The following SLC25A21 variants were observed in gnomAD, a reference collection of about 807,000 sequenced individuals.
The protein encoded by SLC25A21 is mitochondrial 2-oxodicarboxylate carrier.
Under a neutral mutation model 43.8 loss-of-function variants are expected in SLC25A21, and 47 were observed. The ratio of observed to expected loss-of-function variants is 1.07; its 90% CI spans 0.85 to 1.37. SLC25A21 has a LOEUF of 1.37. Ranked by LOEUF, SLC25A21 falls within the 40% of genes most tolerant of loss-of-function variation. The pLI is 0.00. For synonymous variants in SLC25A21, 131 were observed against 121.3 expected (o/e 1.08, Z -0.52); for missense variants, 352 against 350.2 (o/e 1.00, Z -0.04).
intron 1 of SLC25A21, among the ~76,000 whole-genome samples, chr14:36,888,541 G>A (rs1890988609): frequency 6.6e-6 from 1 of 151,710 alleles, no homozygotes; most frequent in Non-Finnish European, 1.5e-5. Flanking sequence ...TCATATATAT[G>A]TTATATATAT....
chr14:36,948,155 C>G (rs562111150), intron 1 of SLC25A21, among the ~76,000 whole-genome samples: 11 of 152,286 alleles, frequency 7.2e-5, no homozygotes, highest in Admixed American at 1.3e-4. Context: ...TACACATTCC[C>G]TGACAAATAT....
In SLC25A21 at chr14:36,678,875, C is replaced by CAAAG. The variant is rs1300971279; in HGVS notation, c.*1779_*1782dup. 17 of 971,562 alleles carry CAAAG rather than the reference C, an allele frequency of 1.7e-5. No homozygotes were observed. The African/African-American group carries it at 2.5e-4, about 14-fold the overall frequency. 60.2% of individuals were successfully genotyped at this position (971,562 alleles called of 1,614,324 possible). A position where few individuals can be genotyped will look rare whatever the true frequency, so the allele number is the denominator to read the frequency against. On this transcript the variant is annotated 3_prime_UTR_variant, in exon 10 of 10. Transcript: ENST00000331299. ...AAGATATCAGATACAATTTGCTATT[C>CAAAG]AAAGAAAATTATGATTTAAAGCCAC...
At chr14:37,093,892 T>C (rs1366225994) in intron 1 of SLC25A21, among the ~76,000 whole-genome samples, 4 of 152,188 alleles carry the variant, frequency 2.6e-5, no homozygotes, top group Admixed American at 2.6e-4. Flanking sequence ...CCATTTAAAA[T>C]AACTCTAAGG....
intron 1 of SLC25A21, among the ~76,000 whole-genome samples, chr14:37,139,197 T>A (rs141860212): frequency 6.6e-6 from 1 of 152,230 alleles, no homozygotes; most frequent in East Asian, 1.9e-4. Context: ...CATGAGGTCA[T>A]CTAAACATCT....
chr14:37,042,891 C>T (rs1463910414), intron 1 of SLC25A21, among the ~76,000 whole-genome samples: 1 of 152,210 alleles, frequency 6.6e-6, no homozygotes, highest in Non-Finnish European at 1.5e-5. Flanking sequence ...TTCCTGCACT[C>T]CTGGCCCATA....
chr14:36,699,924 C>T (rs1362335136), intron 7 of SLC25A21, among the ~76,000 whole-genome samples: 1 of 152,210 alleles, frequency 6.6e-6, no homozygotes, highest in Admixed American at 6.5e-5. Context: ...ACTCCCTGTC[C>T]TGCTTCAGTT....
chr14:36,793,962 A>G (rs1887584240), intron 3 of SLC25A21, among the ~76,000 whole-genome samples: 1 of 152,100 alleles, frequency 6.6e-6, no homozygotes. Flanking sequence ...AAGCAAATCA[A>G]AGAAGTTCAT....
rs544175091 is a variant in SLC25A21, at chr14:36,915,984, C to T, written c.71-40980G>A. On this transcript the variant is annotated intron_variant, in intron 1 of 9. Transcript: ENST00000331299. ...GACATGGCTGCTGCATACCTGGAATCTTTCTCATATCAGAGTGGATCCACA... is the reference window on the plus strand; with the variant it reads ...GACATGGCTGCTGCATACCTGGAATTTTTCTCATATCAGAGTGGATCCACA... Among the ~76,000 whole-genome samples, 4 of 152,278 alleles carry T rather than the reference C, an allele frequency of 2.6e-5. No homozygotes were observed. The South Asian group carries it at 6.2e-4, about 24-fold the overall frequency.
intron 1 of SLC25A21, among the ~76,000 whole-genome samples, chr14:37,059,774 T>C (rs868424585): frequency 4.6e-5 from 7 of 152,252 alleles, no homozygotes; most frequent in Middle Eastern, 3.4e-3. Context: ...GTGCCTTAGC[T>C]AGTCTGGAAT....
chr14:36,853,459 T>C (rs1238589662), intron 2 of SLC25A21, among the ~76,000 whole-genome samples: 4 of 152,180 alleles, frequency 2.6e-5, no homozygotes, highest in Non-Finnish European at 5.9e-5. Flanking sequence ...TGTTTCTAAC[T>C]TCTAGAAATC....
chr14:37,121,813 C>CA (rs1963213738), intron 1 of SLC25A21, among the ~76,000 whole-genome samples: 1 of 151,744 alleles, frequency 6.6e-6, no homozygotes, highest in South Asian at 2.1e-4. Flanking sequence ...AAAAACAAAG[C>CA]AAAAAGTGTT....
intron 1 of SLC25A21, among the ~76,000 whole-genome samples, chr14:37,014,566 T>C (rs953791058): frequency 3.3e-5 from 5 of 152,118 alleles, no homozygotes; most frequent in African/African-American, 1.2e-4. Flanking sequence ...TCTATGAGAA[T>C]TGGAATTAAT....
At chr14:37,058,740 C>G (rs954508803) in intron 1 of SLC25A21, among the ~76,000 whole-genome samples, 6 of 152,154 alleles carry the variant, frequency 3.9e-5, no homozygotes, top group Non-Finnish European at 7.3e-5. Flanking sequence ...TTTGGGATGG[C>G]CTATAACATT....
At chr14:37,095,891 A>G (rs1474524570) in intron 1 of SLC25A21, among the ~76,000 whole-genome samples, 4 of 152,158 alleles carry the variant, frequency 2.6e-5, no homozygotes, top group African/African-American at 9.7e-5. Context: ...TAAATGAGAC[A>G]TATATAAACA....
At chr14:36,981,070 A>G (rs1960009164) in intron 1 of SLC25A21, among the ~76,000 whole-genome samples, 2 of 151,656 alleles carry the variant, frequency 1.3e-5, no homozygotes, top group Non-Finnish European at 2.9e-5. Flanking sequence ...TAGGCAGCCA[A>G]TAGACACATG....
intron 1 of SLC25A21, among the ~76,000 whole-genome samples, chr14:36,898,074 C>T (rs551743457): frequency 4.9e-4 from 74 of 152,178 alleles, no homozygotes; most frequent in Non-Finnish European, 8.4e-4. Context: ...CAGACAGGGA[C>T]ATTTAAGTCT....
chr14:36,843,872 T>G (rs1450881710), intron 2 of SLC25A21, among the ~76,000 whole-genome samples: 1 of 152,230 alleles, frequency 6.6e-6, no homozygotes, highest in Non-Finnish European at 1.5e-5. Context: ...TGCATTCAAC[T>G]GTCATATCTC....
rs561415299 is a variant in SLC25A21 at position 36,696,759 on chromosome 14, C to A, written c.604-11834G>T. On this transcript the variant is annotated intron_variant, in intron 7 of 9. Transcript: ENST00000331299. Reference sequence around the variant, plus strand: ...TCTGTGGGATCGGTGCTGATATCCCCTTTATCATTTTTTATTGCATCTATT... The same window carrying A: ...TCTGTGGGATCGGTGCTGATATCCCATTTATCATTTTTTATTGCATCTATT... Among the ~76,000 whole-genome samples, 13 of 152,226 alleles carry A rather than the reference C, an allele frequency of 8.5e-5. No homozygotes were observed. In the East Asian group the frequency reaches 2.5e-3, roughly 29 times the overall value.
At chr14:37,069,968 G>T (rs577800800) in intron 1 of SLC25A21, among the ~76,000 whole-genome samples, 7 of 152,196 alleles carry the variant, frequency 4.6e-5, no homozygotes, top group Non-Finnish European at 7.4e-5. Context: ...TCACCCCACT[G>T]ATAACAAAGA....
Sources: gnomAD v4.1 joint callset for allele counts (sites outside exome capture counted in the v4.1 genomes callset) on GRCh38, gnomAD v4.1.1 for gene constraint, MANE v1.5 for transcripts, NCBI Gene and HGNC (gene_info 2026-07-23, HGNC 2026-07-21) for gene names.